Variants in DPP6 observed in about 807,000 individuals in gnomAD.
DPP6 encodes the protein A-type potassium channel modulatory protein DPP6.
In DPP6, 69 loss-of-function variants were observed where a neutral mutation model predicts 122.6. The ratio of observed to expected loss-of-function variants is 0.56; its 90% confidence interval spans 0.46 to 0.69. The LOEUF (loss-of-function observed/expected upper bound fraction) is 0.69. Ranked by LOEUF, DPP6 falls within the 30% of genes least tolerant of loss-of-function variation. The pLI is 0.00. For missense variants in DPP6, 928 were observed against 1,116.9 expected (o/e 0.83, Z 2.41); for synonymous variants, 418 against 433.1 (o/e 0.97, Z 0.43).
chr7:153,995,675 C>A (rs1195030213), intron 1 of DPP6, among the ~76,000 whole-genome samples: 1 of 149,278 alleles, frequency 6.7e-6, no homozygotes, highest in East Asian at 2.0e-4. Flanking sequence ...CACCCTTCAA[C>A]TAGAAAAAAA....
chr7:154,719,745 C>T (rs946739903), intron 7 of DPP6, among the ~76,000 whole-genome samples: 3 of 152,212 alleles, frequency 2.0e-5, no homozygotes, highest in Admixed American at 6.5e-5. Flanking sequence ...TGCTCTTCTC[C>T]GCAGGTCACT....
chr7:153,954,236 A>G (rs927490000), intron 1 of DPP6, among the ~76,000 whole-genome samples: 2 of 152,214 alleles, frequency 1.3e-5, no homozygotes, highest in African/African-American at 4.8e-5. Context: ...TATCGCAACT[A>G]TGATGTGTGT....
chr7:154,010,836 C>G (rs1159605081), intron 1 of DPP6, among the ~76,000 whole-genome samples: 1 of 152,102 alleles, frequency 6.6e-6, no homozygotes, highest in Non-Finnish European at 1.5e-5. Flanking sequence ...AGACTTGTGC[C>G]GAATTCCATT....
In DPP6 at chr7:154,053,004, G is replaced by A. The variant is rs1184811433; in HGVS notation, c.184G>A (p.Gly62Ser). ...APRERGGGGG[G>S]AGGRPRFQYQ... ...CCGGGAGCGCGGCGGCGGCGGCGGC[G>A]GCGCGGGTGGCCGGCCCCGGTTCCA... is the stretch of plus-strand genomic sequence containing the variant. Residue 62 changes from glycine to serine, a missense_variant, in exon 1 of 26, where the codon GGC becomes AGC. Transcript: ENST00000377770. The A allele has an allele frequency of 8.5e-6, 9 of 1,054,558 alleles. No homozygotes were observed. The highest frequency in any genetic ancestry group is 1.0e-5 in the Non-Finnish European group (9 of 875,070). 65.3% of individuals were successfully genotyped at this position (1,054,558 alleles called of 1,614,324 possible). A position where few individuals can be genotyped will look rare whatever the true frequency, so the allele number is the denominator to read the frequency against.
chr7:154,096,808 A>G (rs1805353890), intron 1 of DPP6, among the ~76,000 whole-genome samples: 1 of 152,256 alleles, frequency 6.6e-6, no homozygotes, highest in Middle Eastern at 3.2e-3. Context: ...TTTCTAGTTT[A>G]TCCTTTCTAT....
chr7:154,436,213 G>T (rs1009155038), intron 1 of DPP6, among the ~76,000 whole-genome samples: 1 of 150,984 alleles, frequency 6.6e-6, no homozygotes, highest in Admixed American at 6.6e-5. Flanking sequence ...CTTTGTGCCT[G>T]TCTGTCCAGC....
the DPP6 span, among the ~76,000 whole-genome samples, chr7:153,769,382 C>T: frequency 6.6e-6 from 1 of 152,160 alleles, no homozygotes; most frequent in South Asian, 2.1e-4. Context: ...TGGTCAGGAC[C>T]TCCAGTACTA....
At chr7:153,782,449 G>A in the DPP6 span, among the ~76,000 whole-genome samples, 2 of 152,198 alleles carry the variant, frequency 1.3e-5, no homozygotes, top group African/African-American at 4.8e-5. Context: ...GAGCATCACA[G>A]AGAAAGAGAG....
rs541731454 is a variant in DPP6 at position 154,135,255 on chromosome 7, C to T, written c.243+82192C>T. Among the ~76,000 whole-genome samples, 357 of 151,868 alleles carry T rather than the reference C, an allele frequency of 2.4e-3. 1 individual carries two copies. Among genetic ancestry groups the T allele is most frequent in the Non-Finnish European group, 4.0e-3 (271 of 67,966 alleles). ...GCCCATAGATCCTATGTGTATACTT[C>T]CTGTGAGCCCACATTTCCTCCGATG... On this transcript the variant is annotated intron_variant, in intron 1 of 25. Coordinates refer to ENST00000377770, the MANE Select transcript of DPP6 (RefSeq NM_130797.4).
At chr7:154,038,398 G>C (rs1017619118) in intron 1 of DPP6, 1 of 57,388 alleles carries the variant, frequency 1.7e-5, no homozygotes, top group Admixed American at 2.0e-4. Context: ...AAAAAATCAC[G>C]TGCTGATTTT....
chr7:154,277,912 A>T (rs1279395974), intron 1 of DPP6, among the ~76,000 whole-genome samples: 1 of 152,138 alleles, frequency 6.6e-6, no homozygotes. Flanking sequence ...TACTGTGCTG[A>T]AACTCTCCCC....
At chr7:154,122,953 A>G (rs1383091887) in intron 1 of DPP6, among the ~76,000 whole-genome samples, 1 of 152,010 alleles carries the variant, frequency 6.6e-6, no homozygotes, top group Non-Finnish European at 1.5e-5. Context: ...TCCTCATACC[A>G]GCAGCCGTGG....
chr7:154,255,977 C>T (rs1301401150), intron 1 of DPP6, among the ~76,000 whole-genome samples: 1 of 151,172 alleles, frequency 6.6e-6, no homozygotes, highest in Non-Finnish European at 1.5e-5. Flanking sequence ...TCCTGAAGAC[C>T]ACATGAGATA....
intron 1 of DPP6, among the ~76,000 whole-genome samples, chr7:153,928,115 A>G (rs906061436): frequency 3.0e-5 from 4 of 134,842 alleles, no homozygotes; most frequent in South Asian, 5.8e-4. Context: ...TAGCTTAAAA[A>G]CAGCAGAAAT....
At chr7:153,913,445 A>C (rs1345559312) in intron 1 of DPP6, among the ~76,000 whole-genome samples, 1 of 152,144 alleles carries the variant, frequency 6.6e-6, no homozygotes, top group East Asian at 1.9e-4. Flanking sequence ...TTGTTTCTTC[A>C]TGTTTCTGTA....
intron 1 of DPP6, among the ~76,000 whole-genome samples, chr7:153,927,541 T>C (rs957563628): frequency 1.3e-5 from 2 of 152,198 alleles, no homozygotes; most frequent in Admixed American, 1.3e-4. Context: ...CATTGTAACA[T>C]CTACTGGGAA....
intron 8 of DPP6, 64 bp downstream of exon 8, chr7:154,727,951 G>T: frequency 1.4e-6 from 2 of 1,480,368 alleles, no homozygotes; most frequent in Non-Finnish European, 9.0e-7. Context: ...CATTGGAGTT[G>T]GGTTCTTTTT....
chr7:154,430,770 C>T (rs948511031), intron 1 of DPP6, among the ~76,000 whole-genome samples: 1 of 152,194 alleles, frequency 6.6e-6, no homozygotes, highest in Non-Finnish European at 1.5e-5. Context: ...TTAATCCTCA[C>T]TTCAGTGCTG....
chr7:154,260,665 G>A (rs1405118166), intron 1 of DPP6, among the ~76,000 whole-genome samples: 4 of 145,000 alleles, frequency 2.8e-5, no homozygotes, highest in South Asian at 2.1e-4. Flanking sequence ...GTATTCCTTC[G>A]TATATATATA....
Sources: allele counts gnomAD v4.1 joint callset (sites outside exome capture counted in the v4.1 genomes callset), GRCh38; gene constraint gnomAD v4.1.1; transcripts MANE v1.5; gene names NCBI Gene and HGNC (gene_info 2026-07-23, HGNC 2026-07-21).